ANXA3: variants seen among roughly 807,000 people sequenced by gnomAD.
ANXA3 encodes the protein annexin A3.
ANXA3 carries 46 observed loss-of-function variants against 48.8 expected under a neutral mutation model. The ratio of observed to expected loss-of-function variants is 0.94; its 90% CI spans 0.74 to 1.21. The LOEUF is 1.21. ANXA3 is among the 50% of genes most tolerant of loss of function. The probability of loss-of-function intolerance (pLI) is 0.00; values close to 1 mark genes in which losing one functional copy is unlikely to be tolerated. For missense variants in ANXA3, 383 were observed against 378.6 expected, an observed-to-expected ratio of 1.01 and a Z score of -0.10; for synonymous variants, 128 against 134.7, an observed-to-expected ratio of 0.95 and a Z score of 0.35.
chr4:78,586,399 C>A lies in ANXA3; in HGVS notation c.403+49C>A. 4 of 1,412,516 alleles carry A rather than the reference C, an allele frequency of 2.8e-6. No homozygotes were observed. The South Asian group carries it at 3.6e-5, about 13-fold the overall frequency. 87.5% of individuals were successfully genotyped at this position (1,412,516 alleles called of 1,614,324 possible). A position where few individuals can be genotyped will look rare whatever the true frequency, so the allele number is the denominator to read the frequency against. On this transcript the variant is annotated intron_variant, in intron 6 of 12. Coordinates refer to ENST00000264908, the MANE Select transcript of ANXA3 (RefSeq NM_005139.3). Reference sequence around the variant, plus strand: ...CACCACTGTTCACACATATTTGAGCCAATGTTGCTTTTCCTAGAATCCTCT... The same window carrying A: ...CACCACTGTTCACACATATTTGAGCAAATGTTGCTTTTCCTAGAATCCTCT...
chr4:78,610,012 T>C, intron 12 of ANXA3, 44 bp from the exon 13 acceptor site: 1 of 1,445,916 alleles, frequency 6.9e-7, no homozygotes, highest in Non-Finnish European at 9.7e-7. Context: ...TGGTCTCCCA[T>C]TATTTATACT....
intron 2 of ANXA3, among the ~76,000 whole-genome samples, chr4:78,562,563 A>T (rs1048746197): frequency 2.0e-5 from 3 of 152,254 alleles, no homozygotes; most frequent in Non-Finnish European, 4.4e-5. Context: ...AGAACAAGAA[A>T]GCATTTTTAA....
rs1389140688 is a variant in ANXA3 at position 78,582,738 on chromosome 4, T to C, written c.312+448T>C. Among the ~76,000 whole-genome samples, 4 of 152,222 alleles carry C rather than the reference T, an allele frequency of 2.6e-5. No individual in the cohort carries two copies. The East Asian group carries it at 7.7e-4, about 29-fold the overall frequency. On this transcript the variant is annotated intron_variant, in intron 5 of 12. Transcript: ENST00000264908. ...GTTCTAGTCTGACCACCATCATCTCTTGACTGGTCCATATCAATAGGCTTC... is the reference window on the plus strand; with the variant it reads ...GTTCTAGTCTGACCACCATCATCTCCTGACTGGTCCATATCAATAGGCTTC...
intron 10 of ANXA3, 123 bp from the exon 11 acceptor site, chr4:78,601,387 G>C: frequency 1.2e-6 from 1 of 802,016 alleles, no homozygotes; most frequent in Non-Finnish European, 2.0e-6. Flanking sequence ...GTAAAAGCCA[G>C]TTGTGGGGAG....
chr4:78,598,432 A>C (rs75041764), intron 10 of ANXA3, among the ~76,000 whole-genome samples: 1 of 152,202 alleles, frequency 6.6e-6, no homozygotes, highest in African/African-American at 2.4e-5. Context: ...TTCTTCTTCA[A>C]TTAAAAAAGT....
At position 78,610,287 on chromosome 4, in the gene ANXA3, T is replaced by A. The variant is rs1027491200; in HGVS notation, c.*172T>A. ...CAAAAGCGATTATTATTTTAGAGCA[T>A]CTCATTTATAATGTAGCAGCTCATA... On this transcript the variant is annotated 3_prime_UTR_variant, in exon 13 of 13. Transcript: ENST00000264908. The A allele has an allele frequency of 2.2e-6, 1 of 452,844 alleles. No homozygotes were observed. The highest frequency in any genetic ancestry group is 3.9e-6 in the Non-Finnish European group (1 of 253,694). The allele number at this position is 452,844 out of a possible 1,614,324, so 28.1% of individuals were successfully genotyped here. A position where few individuals can be genotyped will look rare whatever the true frequency, so the allele number is the denominator to read the frequency against.
At chr4:78,608,125 A>C (rs1723689653) in intron 12 of ANXA3, among the ~76,000 whole-genome samples, 1 of 152,128 alleles carries the variant, frequency 6.6e-6, no homozygotes, top group Non-Finnish European at 1.5e-5. Context: ...ATTATAAGCA[A>C]AGGGGGTAGG....
At chr4:78,568,138 A>G (rs1431019913) in intron 2 of ANXA3, among the ~76,000 whole-genome samples, 1 of 152,224 alleles carries the variant, frequency 6.6e-6, no homozygotes, top group Non-Finnish European at 1.5e-5. Context: ...ACTGTGGGTT[A>G]GGACTTTAAG....
At chr4:78,561,624 A>G (rs567327146) in intron 2 of ANXA3, among the ~76,000 whole-genome samples, 2 of 152,124 alleles carry the variant, frequency 1.3e-5, no homozygotes, top group Non-Finnish European at 2.9e-5. Flanking sequence ...GCATGTGAAT[A>G]TGCTGAACTC....
chr4:78,582,214 A>T lies in ANXA3; in HGVS notation c.236A>T (p.His79Leu). 1.2e-6 allele frequency: 2 copies of T among 1,613,634 alleles called. No individual in the cohort carries two copies. The highest frequency in any genetic ancestry group is 1.7e-6 in the Non-Finnish European group (2 of 1,179,618). ...GACTTGAAGGGTGATCTCTCTGGCC[A>T]CTTTGAGCATCTCATGGTGGCCCTA... ...KDDLKGDLSG[H>L]FEHLMVALVT... The change falls in exon 5 of 13, where the codon CAC (histidine) becomes CTC (leucine). Residue 79 changes from histidine (H) to leucine (L), a missense_variant. Physicochemically the swap from His to Leu is moderately conservative, Grantham distance 99 (BLOSUM62 -3). Transcript: ENST00000264908.
At chr4:78,593,596 G>C (rs1385507815) in intron 7 of ANXA3, among the ~76,000 whole-genome samples, 1 of 149,156 alleles carries the variant, frequency 6.7e-6, no homozygotes, top group Non-Finnish European at 1.5e-5. Context: ...GCTCCCATAT[G>C]ACCCTATTCT....
chr4:78,589,499 C>A (rs1235489425), intron 6 of ANXA3, among the ~76,000 whole-genome samples: 1 of 152,212 alleles, frequency 6.6e-6, no homozygotes, highest in Non-Finnish European at 1.5e-5. Flanking sequence ...TCCATTGCTC[C>A]CCATGCTAAT....
At chr4:78,557,033 G>A (rs1722529324) in intron 2 of ANXA3, among the ~76,000 whole-genome samples, 1 of 152,200 alleles carries the variant, frequency 6.6e-6, no homozygotes, top group African/African-American at 2.4e-5. Context: ...CTAAAATGAA[G>A]GTGTTGTTGG....
At chr4:78,559,117 T>C (rs578044675) in intron 2 of ANXA3, among the ~76,000 whole-genome samples, 5 of 152,196 alleles carry the variant, frequency 3.3e-5, no homozygotes, top group African/African-American at 1.2e-4. Context: ...AGCTTCACTG[T>C]CATTCAGGCT....
intron 2 of ANXA3, among the ~76,000 whole-genome samples, chr4:78,557,482 A>T (rs1027451): frequency 4.6e-5 from 7 of 152,178 alleles, no homozygotes; most frequent in Non-Finnish European, 7.3e-5. Context: ...AAGGATTATG[A>T]TGTATACATT....
chr4:78,582,073 A>G (rs1723082117), intron 4 of ANXA3, 104 bp from the exon 5 acceptor site: 3 of 663,730 alleles, frequency 4.5e-6, no homozygotes, highest in Non-Finnish European at 8.1e-6. Flanking sequence ...GTGGATGGAC[A>G]TGTTTTGTCT....
chr4:78,582,291 G>C lies in ANXA3; in HGVS notation c.312+1G>C, dbSNP rs777011739. ...AAAGCAGCTAAAGAAATCCATGAAGGTATGAGCCCCCCACAAGCCATTTCT... is the reference window on the plus strand; with the variant it reads ...AAAGCAGCTAAAGAAATCCATGAAGCTATGAGCCCCCCACAAGCCATTTCT... On this transcript the variant is annotated splice_donor_variant, in intron 5 of 12. Coordinates refer to ENST00000264908, the MANE Select transcript of ANXA3 (RefSeq NM_005139.3). LOFTEE classifies it high-confidence loss of function. 1.9e-6 allele frequency: 3 copies of C among 1,600,282 alleles called. No individual in the cohort carries two copies. The highest frequency in any genetic ancestry group is 2.6e-6 in the Non-Finnish European group (3 of 1,168,048).
At chr4:78,570,654 T>G (rs541918696) in intron 2 of ANXA3, among the ~76,000 whole-genome samples, 62 of 152,388 alleles carry the variant, frequency 4.1e-4, no homozygotes, top group African/African-American at 1.4e-3. Context: ...TGCCTGCAAC[T>G]AGCTGTGTAG....
intron 2 of ANXA3, among the ~76,000 whole-genome samples, chr4:78,555,714 T>G (rs28896883): frequency 0.81 from 121,827 of 151,106 alleles, 49,181 homozygotes; most frequent in East Asian, 0.88. Context: ...AGCTGAACGT[T>G]GTGGGGTGTA....
Sources: allele counts gnomAD v4.1 joint callset (sites outside exome capture counted in the v4.1 genomes callset), GRCh38; gene constraint gnomAD v4.1.1; transcripts MANE v1.5; gene names NCBI Gene and HGNC (gene_info 2026-07-23, HGNC 2026-07-21).